The following ABCB4 variants were observed in gnomAD, a reference collection of about 807,000 sequenced individuals.
ABCB4 encodes ATP binding cassette subfamily B member 4.
A neutral mutation model predicts 145.7 loss-of-function variants in ABCB4; 76 were observed. The ratio of observed to expected loss-of-function variants is 0.52; its 90% CI spans 0.43 to 0.63. The LOEUF is 0.63. Among genes scored for constraint, ABCB4 ranks in the 30% least tolerant of loss-of-function variants. The pLI is 0.00. For synonymous variants in ABCB4, 517 were observed against 566.8 expected, an observed-to-expected ratio of 0.91 and a Z score of 1.25; for missense variants, 1,234 against 1,553.1, an observed-to-expected ratio of 0.79 and a Z score of 3.45.
At chr7:87,390,145 GTAGT>G in the ABCB4 span, among the ~76,000 whole-genome samples, 1 of 152,102 alleles carries the variant, frequency 6.6e-6, no homozygotes, top group Non-Finnish European at 1.5e-5. Flanking sequence ...TTGTAAACTG[GTAGT>G]TAGAGCTAGA....
chr7:87,422,679 G>A (rs931824214), intron 17 of ABCB4, among the ~76,000 whole-genome samples: 1 of 152,036 alleles, frequency 6.6e-6, no homozygotes, highest in East Asian at 1.9e-4. Flanking sequence ...ACTCCTCCCT[G>A]TCCCAGCCCT....
At chr7:87,449,543 C>T (rs1156253904) in intron 8 of ABCB4, among the ~76,000 whole-genome samples, 2 of 151,582 alleles carry the variant, frequency 1.3e-5, no homozygotes, top group Non-Finnish European at 2.9e-5. Flanking sequence ...AAGGGATTCT[C>T]CTGCCTCAGC....
chr7:87,367,548 T>C, the ABCB4 span, among the ~76,000 whole-genome samples: 2 of 152,222 alleles, frequency 1.3e-5, no homozygotes, highest in Non-Finnish European at 1.5e-5. Context: ...CTGATTCAAA[T>C]ATTTGCCCAT....
intron 3 of ABCB4, among the ~76,000 whole-genome samples, chr7:87,465,714 C>A (rs368942718): frequency 6.6e-6 from 1 of 152,194 alleles, no homozygotes; most frequent in Admixed American, 6.5e-5. Flanking sequence ...TCCAGAGGAA[C>A]AATCAGGCAG....
intron 4 of ABCB4, among the ~76,000 whole-genome samples, chr7:87,457,486 C>T (rs1274247739): frequency 6.6e-6 from 1 of 152,140 alleles, no homozygotes; most frequent in Non-Finnish European, 1.5e-5. Context: ...TGAATGCCTC[C>T]CGTAGTAAGG....
the ABCB4 span, among the ~76,000 whole-genome samples, chr7:87,381,064 T>C: frequency 1.3e-5 from 2 of 152,302 alleles, no homozygotes; most frequent in African/African-American, 4.8e-5. Flanking sequence ...AGAGCTATAG[T>C]GTTAGGGTGA....
chr7:87,403,824 C>T (rs917703629), intron 26 of ABCB4, among the ~76,000 whole-genome samples: 2 of 152,034 alleles, frequency 1.3e-5, no homozygotes, highest in Non-Finnish European at 2.9e-5. Flanking sequence ...ATACACAGCA[C>T]ACTATGAAAG....
intron 6 of ABCB4, among the ~76,000 whole-genome samples, chr7:87,452,038 A>G (rs1811769961): frequency 6.6e-6 from 1 of 152,236 alleles, no homozygotes; most frequent in African/African-American, 2.4e-5. Flanking sequence ...AGTCAATCCT[A>G]TGAGAGAAGC....
intron 16 of ABCB4, among the ~76,000 whole-genome samples, chr7:87,425,221 T>A (rs545195522): frequency 6.6e-6 from 1 of 152,204 alleles, no homozygotes; most frequent in Non-Finnish European, 1.5e-5. Flanking sequence ...GACAATCTTG[T>A]TGATTGCAGC....
intron 3 of ABCB4, among the ~76,000 whole-genome samples, chr7:87,465,558 C>T (rs1357717668): frequency 2.0e-5 from 3 of 152,202 alleles, no homozygotes; most frequent in Non-Finnish European, 4.4e-5. Flanking sequence ...AGTAGTGGTT[C>T]TCCCAGCACA....
At chr7:87,415,361 T>G (rs921565923) in intron 21 of ABCB4, among the ~76,000 whole-genome samples, 3 of 151,794 alleles carry the variant, frequency 2.0e-5, no homozygotes, top group African/African-American at 4.8e-5. Context: ...TGATTTGGGG[T>G]TTTTCTAGAA....
chr7:87,376,020 A>G, the ABCB4 span: 2 of 1,452,282 alleles, frequency 1.4e-6, no homozygotes, highest in Non-Finnish European at 9.2e-7. Flanking sequence ...TTTATTGAAC[A>G]TGGAAGTTTT....
chr7:87,366,105 C>T, the ABCB4 span, among the ~76,000 whole-genome samples: 1 of 152,134 alleles, frequency 6.6e-6, no homozygotes, highest in African/African-American at 2.4e-5. Flanking sequence ...CACGACTTCC[C>T]CAAACCCTTC....
chr7:87,417,397 A>C lies in ABCB4; in HGVS notation c.2597T>G (p.Ile866Ser), dbSNP rs753655246. The C allele has an allele frequency of 6.2e-7, 1 of 1,614,178 alleles. No homozygotes were observed. The highest frequency in any genetic ancestry group is 8.5e-7 in the Non-Finnish European group (1 of 1,180,024). ...LTLLLLAVVP[I>S]IAVSGIVEMK... ...TTCAACAATTCCTGACACAGCAATA[A>C]TTGGAACAACTGCTAATAGCAATAG... The change falls in exon 21 of 28, where the codon ATT becomes AGT. Residue 866 changes from isoleucine to serine, a missense_variant. By Grantham distance (142) the Ile-to-Ser change is moderately radical. Around this residue, in one of 7 missense-constraint regions of ABCB4, gnomAD observed 321 missense variants for 332.6 expected, o/e 0.97. Coordinates refer to ENST00000649586, the MANE Select transcript of ABCB4 (RefSeq NM_000443.4).
chr7:87,406,426 A>C lies in ABCB4; in HGVS notation c.3348T>G (p.Ser1116=). ...TGCAGTCAAATAGGATAGGCTCCTG[A>C]GACACGATTCCGAGTTGAGCTCTGA... ...QWLRAQLGIV[S]QEPILFDCSI... The change falls in exon 26 of 28, where the codon TCT becomes TCG. Residue 1116 remains serine (S), a synonymous_variant. Coordinates refer to ENST00000649586, the MANE Select transcript of ABCB4 (RefSeq NM_000443.4). The C allele has an allele frequency of 6.2e-7, 1 of 1,614,160 alleles. No homozygotes were observed. The highest frequency in any genetic ancestry group is 8.5e-7 in the Non-Finnish European group (1 of 1,180,032).
intron 23 of ABCB4, among the ~76,000 whole-genome samples, chr7:87,410,210 T>C (rs999365401): frequency 6.6e-6 from 1 of 152,218 alleles, no homozygotes; most frequent in Non-Finnish European, 1.5e-5. Context: ...TCCTGAGATC[T>C]ACAACTTCAC....
Position 87,445,005 on chromosome 7 carries a change from A to G in ABCB4, c.1006-30T>C, listed in dbSNP as rs774778134. On this transcript the variant is annotated intron_variant, in intron 9 of 27. Transcript: ENST00000649586. ...GCAAAATAACATGAGGAAAAGTTTA[A>G]GTCACATTCTGGCATTCATTATTAT... 7 of 1,431,372 alleles carry G rather than the reference A, an allele frequency of 4.9e-6. No individual in the cohort carries two copies. The Admixed American group carries it at 5.1e-5, about 10-fold the overall frequency. 88.7% of individuals were successfully genotyped at this position (1,431,372 alleles called of 1,614,324 possible). A position where few individuals can be genotyped will look rare whatever the true frequency, so the allele number is the denominator to read the frequency against.
At chr7:87,384,731 G>C in the ABCB4 span, among the ~76,000 whole-genome samples, 41 of 152,232 alleles carry the variant, frequency 2.7e-4, no homozygotes, top group African/African-American at 9.9e-4. Flanking sequence ...GATCCCATTC[G>C]TCCATTTCTG....
chr7:87,392,756 T>C, the ABCB4 span: 37 of 1,613,726 alleles, frequency 2.3e-5, no homozygotes, highest in East Asian at 8.2e-4. Context: ...TTTAGGTCTC[T>C]TACTCATAGC....
Sources: gnomAD v4.1 joint callset for allele counts (sites outside exome capture counted in the v4.1 genomes callset) on GRCh38, gnomAD v4.1.1 for gene constraint, gnomAD v4.1.1 regional missense constraint, MANE v1.5 for transcripts, NCBI Gene and HGNC (gene_info 2026-07-23, HGNC 2026-07-21) for gene names.